TMEM132D: variants seen among roughly 807,000 people sequenced by gnomAD.
TMEM132D encodes the protein mature OL transmembrane protein.
In TMEM132D, 21 loss-of-function variants were observed where a neutral mutation model predicts 62.3. The observed-to-expected ratio is 0.34, with a 90% CI of 0.24 to 0.49. The LOEUF (loss-of-function observed/expected upper bound fraction) is 0.49, where lower values mean the gene tolerates loss of function less well. TMEM132D is among the 20% of genes least tolerant of loss of function. The probability of loss-of-function intolerance (pLI) is 0.99; values close to 1 mark genes in which losing one functional copy is unlikely to be tolerated. For missense variants in TMEM132D, 1,346 were observed against 1,402.8 expected (o/e 0.96, Z 0.65); for synonymous variants, 621 against 575.6 (o/e 1.08, Z -1.13).
chr12:129,893,549 G>A (rs1021156399), intron 1 of TMEM132D, among the ~76,000 whole-genome samples: 9 of 152,040 alleles, frequency 5.9e-5, no homozygotes, highest in Non-Finnish European at 7.4e-5. Flanking sequence ...AGAAGTCATC[G>A]CTTTTCCAAG....
At chr12:129,211,596 G>C (rs146971810) in intron 4 of TMEM132D, among the ~76,000 whole-genome samples, 78 of 152,156 alleles carry the variant, frequency 5.1e-4, no homozygotes, top group African/African-American at 1.7e-3. Context: ...GTCATTTATG[G>C]GATGAGATTT....
At chr12:129,572,821 T>C (rs867865794) in intron 2 of TMEM132D, among the ~76,000 whole-genome samples, 16 of 152,072 alleles carry the variant, frequency 1.1e-4, no homozygotes, top group African/African-American at 3.6e-4. Context: ...CTCCTTAGAT[T>C]CTTTTCCTTG....
intron 4 of TMEM132D, among the ~76,000 whole-genome samples, chr12:129,232,502 C>T (rs754311994): frequency 1.4e-4 from 22 of 152,142 alleles, no homozygotes; most frequent in Non-Finnish European, 2.1e-4. Context: ...GCCTTCTGGT[C>T]CAAGGAGATT....
At chr12:129,644,137 T>C (rs1426893105) in intron 2 of TMEM132D, among the ~76,000 whole-genome samples, 1 of 152,096 alleles carries the variant, frequency 6.6e-6, no homozygotes, top group Non-Finnish European at 1.5e-5. Context: ...CCTATGTACT[T>C]CTTACACATA....
intron 2 of TMEM132D, among the ~76,000 whole-genome samples, chr12:129,662,618 C>T (rs1304435216): frequency 6.6e-6 from 1 of 152,008 alleles, no homozygotes; most frequent in African/African-American, 2.4e-5. Context: ...CACGGTGAAA[C>T]CCCATCTCTA....
chr12:129,862,192 G>A (rs1437492340), intron 1 of TMEM132D, among the ~76,000 whole-genome samples: 2 of 152,232 alleles, frequency 1.3e-5, no homozygotes, highest in African/African-American at 4.8e-5. Context: ...TGTCTGGGAA[G>A]TGGGAAAAAT....
chr12:129,585,166 C>T (rs1176779381), intron 2 of TMEM132D, among the ~76,000 whole-genome samples: 1 of 152,156 alleles, frequency 6.6e-6, no homozygotes, highest in Non-Finnish European at 1.5e-5. Context: ...AATGGCATTT[C>T]ATCCATATTA....
intron 1 of TMEM132D, among the ~76,000 whole-genome samples, chr12:129,822,539 C>T (rs898469386): frequency 6.6e-6 from 1 of 152,162 alleles, no homozygotes; most frequent in African/African-American, 2.4e-5. Context: ...GGCTCAGCAT[C>T]CGGAGTTGTT....
chr12:129,329,929 G>A lies in TMEM132D; in HGVS notation c.1299+7705C>T, dbSNP rs573717186. Among the ~76,000 whole-genome samples the A allele has an allele frequency of 9.2e-5, 14 of 152,280 alleles. No individual in the cohort carries two copies. The East Asian group carries it at 2.1e-3, about 23-fold the overall frequency. ...TAAGAAGAGAAATGTACTTGATTCA[G>A]TGAAGCTTATTTAAAATGTATTTCA... On this transcript the variant is annotated intron_variant, in intron 4 of 8. Coordinates refer to ENST00000422113, the MANE Select transcript of TMEM132D (RefSeq NM_133448.3).
intron 2 of TMEM132D, among the ~76,000 whole-genome samples, chr12:129,563,034 C>T (rs1211076754): frequency 6.6e-6 from 1 of 152,206 alleles, no homozygotes; most frequent in African/African-American, 2.4e-5. Flanking sequence ...TATCTGTATA[C>T]TTTTCATCAA....
intron 4 of TMEM132D, among the ~76,000 whole-genome samples, chr12:129,330,904 T>C (rs1014620694): frequency 6.6e-6 from 1 of 152,214 alleles, no homozygotes; most frequent in Non-Finnish European, 1.5e-5. Context: ...ACTGAGCCTA[T>C]GTCCTCCCAA....
At chr12:129,586,562 C>T (rs978639874) in intron 2 of TMEM132D, among the ~76,000 whole-genome samples, 1 of 152,150 alleles carries the variant, frequency 6.6e-6, no homozygotes, top group African/African-American at 2.4e-5. Flanking sequence ...CTGTAGACAA[C>T]TGATTTCTCA....
intron 1 of TMEM132D, among the ~76,000 whole-genome samples, chr12:129,865,946 G>A (rs931475330): frequency 6.6e-6 from 1 of 152,144 alleles, no homozygotes; most frequent in East Asian, 1.9e-4. Flanking sequence ...CTATAGGTCT[G>A]GGGTTGTCTG....
rs547669774 is a variant in TMEM132D, at chr12:129,173,726, G to A, written c.1443+35794C>T. Among the ~76,000 whole-genome samples, 5 of 152,248 alleles carry A rather than the reference G, an allele frequency of 3.3e-5. No individual in the cohort carries two copies. The East Asian group carries it at 7.7e-4, about 24-fold the overall frequency. ...TCATAGGCTGTCACTTAGCATTTATGAACTGAGAGGTAATGCATGTGATAA... is the reference window on the plus strand; with the variant it reads ...TCATAGGCTGTCACTTAGCATTTATAAACTGAGAGGTAATGCATGTGATAA... On this transcript the variant is annotated intron_variant, in intron 5 of 8. Coordinates refer to ENST00000422113, the MANE Select transcript of TMEM132D (RefSeq NM_133448.3).
intron 1 of TMEM132D, among the ~76,000 whole-genome samples, chr12:129,790,136 G>A (rs564638587): frequency 2.4e-4 from 37 of 152,126 alleles, no homozygotes; most frequent in Non-Finnish European, 4.7e-4. Context: ...GCAGGAGCTG[G>A]GGCGAGTGCT....
chr12:129,342,602 G>T (rs1392506722), intron 3 of TMEM132D, among the ~76,000 whole-genome samples: 1 of 152,146 alleles, frequency 6.6e-6, no homozygotes, highest in East Asian at 1.9e-4. Flanking sequence ...AAGAGCTTCT[G>T]CACAGTAAAA....
intron 2 of TMEM132D, among the ~76,000 whole-genome samples, chr12:129,543,429 T>C (rs1876648173): frequency 6.6e-6 from 1 of 152,124 alleles, no homozygotes; most frequent in South Asian, 2.1e-4. Context: ...TAGATATTCC[T>C]CAACTTATGA....
intron 3 of TMEM132D, among the ~76,000 whole-genome samples, chr12:129,453,334 C>A (rs1873360759): frequency 6.6e-6 from 1 of 152,178 alleles, no homozygotes; most frequent in Admixed American, 6.5e-5. Flanking sequence ...GGCTTTTGCG[C>A]AAGGTGTCTC....
chr12:129,592,842 G>A (rs1020033639), intron 2 of TMEM132D, among the ~76,000 whole-genome samples: 1 of 146,588 alleles, frequency 6.8e-6, no homozygotes, highest in Non-Finnish European at 1.5e-5. Context: ...ACACAGCTCC[G>A]AAGCAGGATT....
Sources: gnomAD v4.1 joint callset for allele counts (sites outside exome capture counted in the v4.1 genomes callset) on GRCh38, gnomAD v4.1.1 for gene constraint, MANE v1.5 for transcripts, NCBI Gene and HGNC (gene_info 2026-07-23, HGNC 2026-07-21) for gene names.